Variants in ANO2 observed in about 807,000 individuals in gnomAD.
ANO2 encodes the protein anoctamin 2, also known as anoctamin-2.
Under a neutral mutation model 124.2 loss-of-function variants are expected in ANO2, and 101 were observed. The ratio of observed to expected loss-of-function variants is 0.81; its 90% CI spans 0.69 to 0.96. The LOEUF (loss-of-function observed/expected upper bound fraction) is 0.96. Ranked by LOEUF, ANO2 falls within the 40% of genes least tolerant of loss-of-function variation. ANO2 has a pLI of 0.00. For missense variants in ANO2, 1,293 were observed against 1,274.5 expected (o/e 1.01, Z -0.22); for synonymous variants, 486 against 482.5 (o/e 1.01, Z -0.09).
Position 5,908,102 on chromosome 12 carries a change from A to T in ANO2, c.534+12938T>A, listed in dbSNP as rs1274448664. Reference sequence around the variant, plus strand: ...CAGCAGCAAACCCACACCAGCTCCGAGGACCCTGGGGCTTCCACTCTGAAG... The same window carrying T: ...CAGCAGCAAACCCACACCAGCTCCGTGGACCCTGGGGCTTCCACTCTGAAG... On this transcript the variant is annotated intron_variant, in intron 3 of 24. Coordinates refer to ENST00000682330, the MANE Select transcript of ANO2 (RefSeq NM_001364791.2). The surrounding 1 kb of genome is among the most constrained non-coding windows in gnomAD (Gnocchi z 4.7). Among the ~76,000 whole-genome samples the T allele has an allele frequency of 6.6e-6, 1 of 152,272 alleles. No individual in the cohort carries two copies. Among genetic ancestry groups the T allele is most frequent in the African/African-American group, 2.4e-5 (1 of 41,482 alleles).
At chr12:5,725,093 C>T (rs1950383228) in intron 14 of ANO2, among the ~76,000 whole-genome samples, 1 of 62,440 alleles carries the variant, frequency 1.6e-5, no homozygotes, top group Admixed American at 2.3e-4. Context: ...TCCTTGTCTC[C>T]CTCTCACACA....
At chr12:5,878,007 G>A (rs1245541421) in intron 3 of ANO2, among the ~76,000 whole-genome samples, 1 of 152,318 alleles carries the variant, frequency 6.6e-6, no homozygotes, top group Non-Finnish European at 1.5e-5. Flanking sequence ...GAGACCCCTG[G>A]TTTAAAGCAT....
At chr12:5,918,283 A>G (rs994303291) in intron 3 of ANO2, among the ~76,000 whole-genome samples, 1 of 152,188 alleles carries the variant, frequency 6.6e-6, no homozygotes, top group African/African-American at 2.4e-5. Context: ...ACCCAGGAAG[A>G]ATGTCTTCTG....
At chr12:5,918,858 C>G (rs1941530882) in intron 3 of ANO2, among the ~76,000 whole-genome samples, 1 of 152,162 alleles carries the variant, frequency 6.6e-6, no homozygotes, top group African/African-American at 2.4e-5. Context: ...AGACATTGTG[C>G]TGAAATTTTC....
At chr12:5,586,586 T>G (rs1299883998) in intron 20 of ANO2, among the ~76,000 whole-genome samples, 2 of 152,230 alleles carry the variant, frequency 1.3e-5, no homozygotes, top group Admixed American at 1.3e-4. Context: ...AATTACCCAT[T>G]GCAGTCTTTA....
At chr12:5,737,992 A>G (rs566583975) in intron 13 of ANO2, among the ~76,000 whole-genome samples, 66 of 152,310 alleles carry the variant, frequency 4.3e-4, no homozygotes, top group African/African-American at 1.5e-3. Flanking sequence ...GTGTGTACCC[A>G]ATATATGGTA....
At chr12:5,654,045 A>G (rs1419962126) in intron 14 of ANO2, among the ~76,000 whole-genome samples, 13 of 152,252 alleles carry the variant, frequency 8.5e-5, no homozygotes. Context: ...ACTATCTGGT[A>G]ATCTACAGTG....
intron 13 of ANO2, among the ~76,000 whole-genome samples, chr12:5,734,831 G>T (rs1950787837): frequency 6.6e-6 from 1 of 152,154 alleles, no homozygotes; most frequent in African/African-American, 2.4e-5. Context: ...TGTACTTTTA[G>T]TAGAGATGGG....
chr12:5,860,471 T>C (rs1406268315), intron 3 of ANO2, among the ~76,000 whole-genome samples: 1 of 152,206 alleles, frequency 6.6e-6, no homozygotes, highest in Non-Finnish European at 1.5e-5. Flanking sequence ...GCTCAGTAAA[T>C]ATTTCTGGCA....
At chr12:5,832,333 T>C in intron 5 of ANO2, 119 bp downstream of exon 5, 1 of 1,166,118 alleles carries the variant, frequency 8.6e-7, no homozygotes, top group Non-Finnish European at 1.2e-6. Context: ...TGCTTCCTAC[T>C]CTCTCTCCCA....
intron 4 of ANO2, among the ~76,000 whole-genome samples, chr12:5,849,497 G>T (rs938927896): frequency 6.6e-6 from 1 of 152,216 alleles, no homozygotes; most frequent in Non-Finnish European, 1.5e-5. Flanking sequence ...AACCTTCTCA[G>T]GCTGCTCGGG....
At chr12:5,940,605 A>T (rs1942856443) in intron 1 of ANO2, among the ~76,000 whole-genome samples, 1 of 152,196 alleles carries the variant, frequency 6.6e-6, no homozygotes, top group African/African-American at 2.4e-5. Context: ...GGCTATAATA[A>T]AAAGATGAAT....
chr12:5,688,471 C>T (rs561373091), intron 14 of ANO2, among the ~76,000 whole-genome samples: 136 of 152,272 alleles, frequency 8.9e-4, no homozygotes, highest in Non-Finnish European at 5.6e-4. Flanking sequence ...ATCCTTAAAG[C>T]CCCAGCTGTC....
At chr12:5,673,325 C>T (rs1410934307) in intron 14 of ANO2, among the ~76,000 whole-genome samples, 1 of 152,198 alleles carries the variant, frequency 6.6e-6, no homozygotes, top group Non-Finnish European at 1.5e-5. Flanking sequence ...ACTTTTTGTC[C>T]TAGGTCCTTC....
chr12:5,843,689 C>T (rs547292430), intron 4 of ANO2, among the ~76,000 whole-genome samples: 19 of 152,246 alleles, frequency 1.2e-4, no homozygotes, highest in East Asian at 3.9e-4. Flanking sequence ...GGAGGGAACG[C>T]GGGGCAATTC....
intron 14 of ANO2, among the ~76,000 whole-genome samples, chr12:5,719,975 G>A (rs532891187): frequency 6.6e-6 from 1 of 152,086 alleles, no homozygotes; most frequent in Non-Finnish European, 1.5e-5. Context: ...CTCAGGGTCT[G>A]CATCTGGGAG....
At chr12:5,737,320 T>C (rs1950911362) in intron 13 of ANO2, among the ~76,000 whole-genome samples, 3 of 152,222 alleles carry the variant, frequency 2.0e-5, no homozygotes, top group Non-Finnish European at 4.4e-5. Context: ...CATGAGCTCC[T>C]CAAATCATGT....
chr12:5,848,701 C>T (rs779979995), intron 4 of ANO2, among the ~76,000 whole-genome samples: 1 of 152,200 alleles, frequency 6.6e-6, no homozygotes, highest in African/African-American at 2.4e-5. Context: ...TGGAAGTCCC[C>T]AGCACATAGT....
Position 5,610,861 on chromosome 12 carries a change from A to ACACACACAC in ANO2, c.2087+1794_2087+1795insGTGTGTGTG, listed in dbSNP as rs1565472341. 4.5e-3 allele frequency among the ~76,000 whole-genome samples: 369 copies of ACACACACAC among 82,218 alleles called. 6 individuals are homozygous for ACACACACAC. The highest frequency in any genetic ancestry group is 0.011 in the African/African-American group (307 of 27,622). 53.9% of individuals were successfully genotyped at this position (82,218 alleles called of 152,430 possible). ...ACACACACACACACACACACACACA[A>ACACACACAC]CCCTAAGGGAAATTATTTCTATAAA... On this transcript the variant is annotated intron_variant, in intron 19 of 24. Transcript: ENST00000682330.
Sources: allele counts gnomAD v4.1 joint callset (sites outside exome capture counted in the v4.1 genomes callset), GRCh38; gene constraint gnomAD v4.1.1; non-coding constraint Gnocchi (gnomAD v3.1); transcripts MANE v1.5; gene names NCBI Gene and HGNC (gene_info 2026-07-23, HGNC 2026-07-21).